The following IGFL2 variants were observed in gnomAD, a reference collection of about 807,000 sequenced individuals.
IGFL2 encodes the protein insulin growth factor-like family member 2.
In IGFL2, 7 loss-of-function variants were observed where a neutral mutation model predicts 13.9. That is an observed-to-expected ratio of 0.51 (90% CI 0.29 to 0.95). IGFL2 has a LOEUF of 0.95. Among genes scored for constraint, IGFL2 ranks in the 40% least tolerant of loss-of-function variants. The pLI is 0.08. For synonymous variants in IGFL2, 55 were observed against 55.8 expected, an observed-to-expected ratio of 0.99 and a Z score of 0.07; for missense variants, 138 against 147.8, an observed-to-expected ratio of 0.93 and a Z score of 0.34.
chr19:46,146,794 A>G (rs111607591), upstream of IGFL2, among the ~76,000 whole-genome samples: 8 of 152,114 alleles, frequency 5.3e-5, no homozygotes, highest in Admixed American at 1.3e-4. Context: ...ATACGCTACA[A>G]CCTTTCTAAA....
At chr19:46,086,081 G>A in the IGFL2 span, among the ~76,000 whole-genome samples, 1,286 of 151,842 alleles carry the variant, frequency 8.5e-3, 16 homozygotes, top group African/African-American at 0.029. Context: ...TCTTTCTTCT[G>A]CTTGATATGG....
chr19:46,178,732 C>A, the IGFL2 span, among the ~76,000 whole-genome samples: 2 of 152,300 alleles, frequency 1.3e-5, no homozygotes, highest in South Asian at 2.1e-4. Context: ...ATCAGAAAAT[C>A]TTTGAATCCA....
At chr19:46,108,493 G>T in the IGFL2 span, among the ~76,000 whole-genome samples, 1 of 152,136 alleles carries the variant, frequency 6.6e-6, no homozygotes, top group East Asian at 1.9e-4. Flanking sequence ...AGTTGAAGAG[G>T]TTTTAAGTTC....
chr19:46,158,487 G>A (rs904032636), intron 1 of IGFL2, among the ~76,000 whole-genome samples: 20 of 147,724 alleles, frequency 1.4e-4, no homozygotes, highest in African/African-American at 4.7e-4. Flanking sequence ...AGGATTACAG[G>A]TGTGAGCCAC....
the IGFL2 span, among the ~76,000 whole-genome samples, chr19:46,211,412 C>T: frequency 6.6e-6 from 1 of 152,334 alleles, no homozygotes; most frequent in Non-Finnish European, 1.5e-5. Flanking sequence ...TACCTGCACA[C>T]CTGAAATTCC....
At chr19:46,185,906 T>C in the IGFL2 span, among the ~76,000 whole-genome samples, 21 of 152,124 alleles carry the variant, frequency 1.4e-4, no homozygotes, top group Admixed American at 3.3e-4. Context: ...CCCCGGGAAA[T>C]TTTTAAGACT....
chr19:46,136,036 T>C, the IGFL2 span, among the ~76,000 whole-genome samples: 1 of 152,216 alleles, frequency 6.6e-6, no homozygotes, highest in Non-Finnish European at 1.5e-5. Flanking sequence ...TTCTTTATAT[T>C]GACCTTGGAG....
the IGFL2 span, among the ~76,000 whole-genome samples, chr19:46,202,029 C>T: frequency 1.3e-5 from 2 of 151,958 alleles, no homozygotes; most frequent in Non-Finnish European, 2.9e-5. Flanking sequence ...ACTGGGACCT[C>T]GCTTGGCCTG....
the IGFL2 span, among the ~76,000 whole-genome samples, chr19:46,131,284 T>A: frequency 6.6e-6 from 1 of 152,210 alleles, no homozygotes; most frequent in Admixed American, 6.5e-5. Flanking sequence ...AGGTAGTGTC[T>A]GGTTCATTTA....
the IGFL2 span, among the ~76,000 whole-genome samples, chr19:46,095,375 GT>G: frequency 1.8e-3 from 274 of 150,628 alleles, 1 homozygote; most frequent in African/African-American, 5.9e-3. Context: ...TTGATGGGTT[GT>G]TTTTTTTTCT....
chr19:46,139,483 A>G (rs1483745834), upstream of IGFL2, among the ~76,000 whole-genome samples: 36 of 152,114 alleles, frequency 2.4e-4, no homozygotes, highest in Admixed American at 2.4e-3. Flanking sequence ...GTATGTAGAA[A>G]AGATACATCA....
chr19:46,139,901 G>A (rs1209861387), upstream of IGFL2, among the ~76,000 whole-genome samples: 2 of 151,610 alleles, frequency 1.3e-5, no homozygotes, highest in Non-Finnish European at 2.9e-5. Context: ...ATGTATATAT[G>A]TATATATAGT....
At chr19:46,088,098 A>G in the IGFL2 span, among the ~76,000 whole-genome samples, 1 of 152,230 alleles carries the variant, frequency 6.6e-6, no homozygotes, top group Non-Finnish European at 1.5e-5. Flanking sequence ...CGCCCAGTTG[A>G]TTCTGGCTCG....
chr19:46,094,712 T>G, the IGFL2 span, among the ~76,000 whole-genome samples: 6 of 152,180 alleles, frequency 3.9e-5, no homozygotes, highest in East Asian at 7.7e-4. Flanking sequence ...CCAGTGTGTG[T>G]TGTTCCCCTC....
At chr19:46,192,591 T>C in the IGFL2 span, among the ~76,000 whole-genome samples, 9 of 152,080 alleles carry the variant, frequency 5.9e-5, no homozygotes, top group Non-Finnish European at 1.0e-4. Flanking sequence ...GGCTAACTTT[T>C]GTATTTTTAG....
At chr19:46,197,833 G>A in the IGFL2 span, among the ~76,000 whole-genome samples, 25 of 152,138 alleles carry the variant, frequency 1.6e-4, no homozygotes, top group African/African-American at 5.3e-4. Context: ...TGCCTGGCCA[G>A]GACAGGAGCC....
the IGFL2 span, among the ~76,000 whole-genome samples, chr19:46,133,901 C>G: frequency 6.6e-6 from 1 of 152,128 alleles, no homozygotes; most frequent in African/African-American, 2.4e-5. Flanking sequence ...CCAGACAAAA[C>G]TTCATTGGAG....
chr19:46,214,700 C>T, the IGFL2 span: 1 of 152,220 alleles, frequency 6.6e-6, no homozygotes, highest in Non-Finnish European at 1.5e-5. Flanking sequence ...AGGCCTTGGG[C>T]CTTCGACCTG....
the IGFL2 span, among the ~76,000 whole-genome samples, chr19:46,192,813 A>G: frequency 6.6e-6 from 1 of 152,186 alleles, no homozygotes; most frequent in East Asian, 1.9e-4. Flanking sequence ...TTATTGTGGT[A>G]TAGTAATTCC....
Sources: allele counts gnomAD v4.1 joint callset (sites outside exome capture counted in the v4.1 genomes callset), GRCh38; gene constraint gnomAD v4.1.1; transcripts MANE v1.5; gene names NCBI Gene and HGNC (gene_info 2026-07-23, HGNC 2026-07-21).